The following PLEKHG1 variants were observed in gnomAD, a reference collection of about 807,000 sequenced individuals.
PLEKHG1 encodes pleckstrin homology and RhoGEF domain containing G1.
A neutral mutation model predicts 100.8 loss-of-function variants in PLEKHG1; 44 were observed. That is an observed-to-expected ratio of 0.44 (90% CI 0.34 to 0.56). The LOEUF is 0.56. PLEKHG1 is among the 20% of genes least tolerant of loss of function. The pLI is 0.01. For missense variants in PLEKHG1, 1,545 were observed against 1,720.9 expected, an observed-to-expected ratio of 0.90 and a Z score of 1.81; for synonymous variants, 640 against 662.5, an observed-to-expected ratio of 0.97 and a Z score of 0.52.
intron 3 of PLEKHG1, among the ~76,000 whole-genome samples, chr6:150,701,466 T>TATATATATATAAAA (rs1212311635): frequency 1.2e-5 from 1 of 84,240 alleles, no homozygotes; most frequent in African/African-American, 1.2e-4. Flanking sequence ...TATATATATA[T>TATATATATATAAAA]AATTATACTT....
chr6:150,806,591 C>G (rs937330769), intron 7 of PLEKHG1, among the ~76,000 whole-genome samples: 1 of 150,824 alleles, frequency 6.6e-6, no homozygotes, highest in Non-Finnish European at 1.5e-5. Flanking sequence ...GAGGCTGAGG[C>G]AGGAGAATTG....
At chr6:150,827,811 G>A (rs61733660) in intron 14 of PLEKHG1, 15,587 of 1,419,772 alleles carry the variant, frequency 0.011, 141 homozygotes, top group Middle Eastern at 0.032. Context: ...AACATATGAA[G>A]ATATGACTTT....
At chr6:150,815,060 G>T (rs1465366002) in intron 10 of PLEKHG1, among the ~76,000 whole-genome samples, 1 of 152,170 alleles carries the variant, frequency 6.6e-6, no homozygotes, top group Non-Finnish European at 1.5e-5. Flanking sequence ...TCACTATAAT[G>T]TAATCATAAT....
intron 1 of PLEKHG1, among the ~76,000 whole-genome samples, chr6:150,609,854 ACGTGTGGGGCTTGGACAG>A (rs1364228264): frequency 2.0e-5 from 3 of 152,220 alleles, no homozygotes; most frequent in Admixed American, 2.0e-4. Flanking sequence ...AGGAGAAAGA[ACGTGTGGGGCTTGGACAG>A]CATAGCTACT....
chr6:150,818,171 T>C lies in PLEKHG1; in HGVS notation c.1279-12T>C, dbSNP rs1253864103. 1.2e-6 allele frequency: 2 copies of C among 1,606,068 alleles called. No individual in the cohort carries two copies. The highest frequency in any genetic ancestry group is 2.2e-5 in the East Asian group (1 of 44,834). On this transcript the variant is annotated splice_polypyrimidine_tract_variant and intron_variant, in intron 10 of 15. Coordinates refer to ENST00000358517, the Ensembl canonical transcript of PLEKHG1. Reference sequence around the variant, plus strand: ...AGCAATTGGAATTACAGCTCTACTTTCTCTCTTTCAGGCCAAGCAAGCAAT... The same window carrying C: ...AGCAATTGGAATTACAGCTCTACTTCCTCTCTTTCAGGCCAAGCAAGCAAT...
chr6:150,720,709 G>A (rs2128609191), upstream of PLEKHG1, among the ~76,000 whole-genome samples: 1 of 151,448 alleles, frequency 6.6e-6, no homozygotes, highest in African/African-American at 2.4e-5. Flanking sequence ...TTTGAAACAA[G>A]CCCATGATTC....
At chr6:150,827,801 A>G in intron 14 of PLEKHG1, 1 of 1,431,422 alleles carries the variant, frequency 7.0e-7, no homozygotes, top group Non-Finnish European at 9.9e-7. Context: ...CAGTGGTGAA[A>G]ACATATGAAG....
At chr6:150,736,395 C>T (rs1782563165) in intron 2 of PLEKHG1, among the ~76,000 whole-genome samples, 1 of 152,230 alleles carries the variant, frequency 6.6e-6, no homozygotes, top group Non-Finnish European at 1.5e-5. Context: ...ACACTTGTCA[C>T]TATTGCCAGC....
chr6:150,774,969 C>G (rs2128643876), intron 3 of PLEKHG1, among the ~76,000 whole-genome samples: 1 of 151,964 alleles, frequency 6.6e-6, no homozygotes, highest in Non-Finnish European at 1.5e-5. Flanking sequence ...TGGTATATGA[C>G]TAGATTTAAA....
chr6:150,804,953 G>A (rs1339908280), intron 7 of PLEKHG1, among the ~76,000 whole-genome samples: 1 of 121,226 alleles, frequency 8.2e-6, no homozygotes, highest in Non-Finnish European at 1.8e-5. Flanking sequence ...TTTTTTTTTT[G>A]AGATGGAGTT....
chr6:150,686,708 T>C (rs55646755), intron 3 of PLEKHG1: 43,310 of 152,030 alleles, frequency 0.28, 7,815 homozygotes, highest in African/African-American at 0.52. Context: ...GGAGGTCTGA[T>C]AACGCAAGAA....
intron 2 of PLEKHG1, chr6:150,638,181 A>G (rs985604064): frequency 1.3e-5 from 2 of 152,232 alleles, no homozygotes; most frequent in African/African-American, 2.4e-5. Flanking sequence ...ATTTTCCAGC[A>G]TCAGAAGCAC....
intron 1 of PLEKHG1, among the ~76,000 whole-genome samples, chr6:150,636,320 C>T (rs1014974142): frequency 3.3e-5 from 5 of 152,012 alleles, no homozygotes; most frequent in Admixed American, 6.6e-5. Flanking sequence ...TAACACATGA[C>T]ACACACAGCC....
At chr6:150,702,567 T>A (rs1164975278) in intron 3 of PLEKHG1, among the ~76,000 whole-genome samples, 1 of 151,342 alleles carries the variant, frequency 6.6e-6, no homozygotes, top group Non-Finnish European at 1.5e-5. Flanking sequence ...GGTGTGTGTG[T>A]GTGTGTGTGT....
chr6:150,724,717 G>A (rs943875742), intron 1 of PLEKHG1, among the ~76,000 whole-genome samples: 3 of 151,892 alleles, frequency 2.0e-5, no homozygotes, highest in Non-Finnish European at 2.9e-5. Flanking sequence ...CTGCCACTAC[G>A]CCTGGCTAAT....
intron 3 of PLEKHG1, among the ~76,000 whole-genome samples, chr6:150,660,377 G>A (rs1414108730): frequency 6.6e-6 from 1 of 152,058 alleles, no homozygotes; most frequent in African/African-American, 2.4e-5. Flanking sequence ...CACTAAATGA[G>A]GAAACATTCT....
At chr6:150,826,344 G>C (rs960109504) in intron 14 of PLEKHG1, among the ~76,000 whole-genome samples, 1 of 152,172 alleles carries the variant, frequency 6.6e-6, no homozygotes, top group African/African-American at 2.4e-5. Flanking sequence ...TGTAGTCCCA[G>C]CTACTTGGGA....
rs756621195 is a variant in PLEKHG1 at position 150,677,283 on chromosome 6, T to TACGCGCACAC, written c.-99+26498_-99+26499insCGCGCACACA. Among the ~76,000 whole-genome samples the TACGCGCACAC allele has an allele frequency of 3.2e-4, 43 of 134,264 alleles. 1 individual carries two copies. In the South Asian group the frequency reaches 7.5e-3, roughly 23 times the overall value. The allele number at this position is 134,264 out of a possible 152,430, so 88.1% of individuals were successfully genotyped here. On this transcript the variant is annotated intron_variant, in intron 3 of 3. Transcript: ENST00000367326. ...CAGTCTTGTCTCTTGTTTCTTCCCC[T>TACGCGCACAC]ATACACACACACACACACACGCGCG...
intron 5 of PLEKHG1, among the ~76,000 whole-genome samples, chr6:150,798,612 T>C (rs771724335): frequency 6.6e-6 from 1 of 152,206 alleles, no homozygotes; most frequent in Non-Finnish European, 1.5e-5. Context: ...TTCTGTTCTT[T>C]TGAAGGTCAG....
Sources: allele counts gnomAD v4.1 joint callset (sites outside exome capture counted in the v4.1 genomes callset), GRCh38; gene constraint gnomAD v4.1.1; transcripts MANE v1.5; gene names NCBI Gene and HGNC (gene_info 2026-07-23, HGNC 2026-07-21).